PPIL2: variants seen among roughly 807,000 people sequenced by gnomAD.
The protein encoded by PPIL2 is peptidylprolyl isomerase like 2.
A neutral mutation model predicts 75.2 loss-of-function variants in PPIL2; 50 were observed. The ratio of observed to expected loss-of-function variants is 0.66; its 90% CI spans 0.53 to 0.84. PPIL2 has a LOEUF of 0.84. PPIL2 is among the 40% of genes least tolerant of loss of function. The pLI is 0.00. For synonymous variants in PPIL2, 245 were observed against 258.8 expected (o/e 0.95, Z 0.51); for missense variants, 590 against 685.0 (o/e 0.86, Z 1.55).
intron 9 of PPIL2, among the ~76,000 whole-genome samples, chr22:21,684,514 A>C (rs1012257643): frequency 4.7e-4 from 72 of 151,908 alleles, no homozygotes; most frequent in Middle Eastern, 3.4e-3. Context: ...AAAGATTAGA[A>C]TATACAGATA....
Position 21,695,530 on chromosome 22 carries a change from G to A in PPIL2, c.*40G>A, listed in dbSNP as rs1285525318. ...CTGTGGACCTTGGTGGGGTTGCAGG[G>A]CTGGGGGCCCATGTCCACATCTCCA... On this transcript the variant is annotated 3_prime_UTR_variant, in exon 20 of 20. Coordinates refer to ENST00000398831, the MANE Select transcript of PPIL2 (RefSeq NM_014337.4). The A allele has an allele frequency of 6.4e-7, 1 of 1,562,640 alleles. No individual in the cohort carries two copies. The highest frequency in any genetic ancestry group is 8.7e-7 in the Non-Finnish European group (1 of 1,152,986).
Position 21,680,692 on chromosome 22 carries a change from T to C in PPIL2, c.296-607T>C, listed in dbSNP as rs552237154. On this transcript the variant is annotated intron_variant, in intron 6 of 19. Coordinates refer to ENST00000398831, the MANE Select transcript of PPIL2 (RefSeq NM_014337.4). ...AAAATACAGAAAAATTAGCCGGGCA[T>C]GATGGCAGGCACCTGTAGTCCCAGC... Among the ~76,000 whole-genome samples, 3 of 150,498 alleles carry C rather than the reference T, an allele frequency of 2.0e-5. No individual in the cohort carries two copies. The East Asian group carries it at 5.9e-4, about 30-fold the overall frequency.
intron 15 of PPIL2, 143 bp from the exon 16 acceptor site, chr22:21,693,673 G>A (rs948387641): frequency 2.9e-5 from 25 of 847,474 alleles, no homozygotes; most frequent in Non-Finnish European, 4.9e-5. Context: ...GGCAGCGCAG[G>A]GAACCACGTG....
intron 5 of PPIL2, among the ~76,000 whole-genome samples, chr22:21,674,167 C>T (rs960844130): frequency 6.6e-6 from 1 of 152,168 alleles, no homozygotes; most frequent in Non-Finnish European, 1.5e-5. Context: ...GCAGCAGCTG[C>T]TGGATTGTGG....
At chr22:21,688,187 C>A in intron 14 of PPIL2, 81 bp downstream of exon 14, 3 of 1,552,274 alleles carry the variant, frequency 1.9e-6, no homozygotes, top group Non-Finnish European at 2.7e-6. Context: ...AGGGGTTGTG[C>A]ACAGCTCAGA....
intron 15 of PPIL2, among the ~76,000 whole-genome samples, chr22:21,692,211 A>G (rs1273293071): frequency 1.3e-5 from 2 of 149,998 alleles, no homozygotes; most frequent in Non-Finnish European, 3.0e-5. Flanking sequence ...GCTGGAGTGC[A>G]GCGGCGCGAT....
At chr22:21,666,661 T>G (rs1273159586) in intron 1 of PPIL2, among the ~76,000 whole-genome samples, 1 of 151,748 alleles carries the variant, frequency 6.6e-6, no homozygotes, top group African/African-American at 2.4e-5. Flanking sequence ...ATACAAAAAT[T>G]AGCGGGGCGT....
intron 15 of PPIL2, among the ~76,000 whole-genome samples, 157 bp downstream of exon 15, chr22:21,689,006 G>C (rs559365525): frequency 6.6e-5 from 10 of 152,208 alleles, no homozygotes; most frequent in Non-Finnish European, 8.8e-5. Context: ...GCGTTCAAAA[G>C]GGGGTCCCCA....
In PPIL2 at chr22:21,671,052, G is replaced by T; in HGVS notation, c.184G>T (p.Asp62Tyr). The T allele has an allele frequency of 6.2e-7, 1 of 1,609,972 alleles. No homozygotes were observed. The highest frequency in any genetic ancestry group is 1.1e-5 in the South Asian group (1 of 91,002). ...CTGCACTCCCGATGGCATCGTCTTT[G>T]ACTTACTGTGAGTTTTTCCTTGAAT... ...PVCTPDGIVF[D>Y]LLNIVPWLKK... The change falls in exon 4 of 20, where the codon GAC (aspartate) becomes TAC (tyrosine). Residue 62 changes from aspartate (D) to tyrosine (Y), a missense_variant. Physicochemically the swap from Asp to Tyr is radical, Grantham distance 160 (BLOSUM62 -3). Coordinates refer to ENST00000398831, the MANE Select transcript of PPIL2 (RefSeq NM_014337.4).
rs1365436868 is a variant in PPIL2, at chr22:21,696,436, ACT to A, written c.*949_*950del. On this transcript the variant is annotated 3_prime_UTR_variant, in exon 20 of 20. Coordinates refer to ENST00000398831, the MANE Select transcript of PPIL2 (RefSeq NM_014337.4). ...TCAGGCCCGGCCACTGGGCTCCAAG[ACT>A]CTGCTCCTCCTGTCAGTCACTGACT... 1.7e-5 allele frequency: 20 copies of A among 1,188,360 alleles called. No homozygotes were observed. The highest frequency in any genetic ancestry group is 8.2e-5 in the Admixed American group (2 of 24,428). The allele number at this position is 1,188,360 out of a possible 1,614,324, so 73.6% of individuals were successfully genotyped here. A position where few individuals can be genotyped will look rare whatever the true frequency, so the allele number is the denominator to read the frequency against.
chr22:21,670,578 C>T lies in PPIL2; in HGVS notation c.95C>T (p.Thr32Ile). ...CATTTTTAAACAGATCTCCCACAAA[C>T]AAATTTTCGTCGTTTACCTTTTGAC... ...YGGKKPDLPQ[T>I]NFRRLPFDHC... The change falls in exon 3 of 20, where the codon ACA becomes ATA. Residue 32 changes from threonine (T) to isoleucine (I), a missense_variant. Transcript: ENST00000398831. The T allele has an allele frequency of 1.9e-6, 3 of 1,611,278 alleles. No individual in the cohort carries two copies. The highest frequency in any genetic ancestry group is 2.5e-6 in the Non-Finnish European group (3 of 1,177,440).
rs187207385 is a variant in PPIL2 at position 21,685,708 on chromosome 22, G to A, written c.715-775G>A. On this transcript the variant is annotated intron_variant, in intron 10 of 19. Transcript: ENST00000398831. ...GTGAGAGCCTCCTGCCTTGGCCTCC[G>A]AAAGTGCTGGAATTACAGGTGTGAG... 788 of 451,058 alleles carry A rather than the reference G, an allele frequency of 1.7e-3. 7 individuals are homozygous for A. Among genetic ancestry groups the A allele is most frequent in the African/African-American group, 0.014 (710 of 49,568 alleles). The allele number at this position is 451,058 out of a possible 1,614,324, so 27.9% of individuals were successfully genotyped here.
At chr22:21,681,628 C>G (rs1467018685) in intron 7 of PPIL2, among the ~76,000 whole-genome samples, 1 of 152,208 alleles carries the variant, frequency 6.6e-6, no homozygotes, top group Non-Finnish European at 1.5e-5. Context: ...TCCTGGCTGC[C>G]CAGCAGGGAC....
intron 15 of PPIL2, among the ~76,000 whole-genome samples, chr22:21,692,457 C>T (rs896649984): frequency 6.6e-6 from 1 of 151,826 alleles, no homozygotes; most frequent in African/African-American, 2.4e-5. Context: ...CCTGGCCAAT[C>T]CTGACAATCT....
chr22:21,682,119 G>C (rs2067152045), intron 7 of PPIL2, among the ~76,000 whole-genome samples: 1 of 152,268 alleles, frequency 6.6e-6, no homozygotes, highest in South Asian at 2.1e-4. Flanking sequence ...CCATACCTGT[G>C]CATGGGAGGA....
At chr22:21,680,702 C>A (rs1016122519) in intron 6 of PPIL2, among the ~76,000 whole-genome samples, 95 of 150,898 alleles carry the variant, frequency 6.3e-4, no homozygotes, top group Admixed American at 1.2e-3. Flanking sequence ...TGATGGCAGG[C>A]ACCTGTAGTC....
chr22:21,672,893 G>A (rs1377378352), intron 5 of PPIL2, among the ~76,000 whole-genome samples: 1 of 152,196 alleles, frequency 6.6e-6, no homozygotes, highest in African/African-American at 2.4e-5. Flanking sequence ...TGGAGCCGCT[G>A]GGAGGGAGCT....
intron 1 of PPIL2, 79 bp from the exon 2 acceptor site, chr22:21,669,834 G>A (rs1437194800): frequency 9.2e-6 from 13 of 1,406,350 alleles, no homozygotes; most frequent in African/African-American, 1.4e-5. Flanking sequence ...TGCTGAGTAA[G>A]CAAAGATTAC....
At chr22:21,695,335 G>A (rs147229838) in intron 19 of PPIL2, 59 bp from the exon 20 acceptor site, 778 of 1,542,514 alleles carry the variant, frequency 5.0e-4, no homozygotes, top group Non-Finnish European at 6.4e-4. Flanking sequence ...TGGAGACACA[G>A]ACAAGTCAGG....
Sources: gnomAD v4.1 joint callset for allele counts (sites outside exome capture counted in the v4.1 genomes callset) on GRCh38, gnomAD v4.1.1 for gene constraint, MANE v1.5 for transcripts, NCBI Gene and HGNC (gene_info 2026-07-23, HGNC 2026-07-21) for gene names.